Variants in ADH1B observed in about 807,000 individuals in gnomAD.
ADH1B encodes the protein alcohol dehydrogenase 1B (class I), beta polypeptide.
In ADH1B, 29 loss-of-function variants were observed where a neutral mutation model predicts 34.6. The observed-to-expected ratio is 0.84, with a 90% CI of 0.62 to 1.14. The LOEUF (loss-of-function observed/expected upper bound fraction) is 1.14. ADH1B is among the 50% of genes most tolerant of loss of function. The pLI is 0.00. For missense variants in ADH1B, 424 were observed against 468.4 expected, an observed-to-expected ratio of 0.91 and a Z score of 0.87; for synonymous variants, 170 against 175.5, an observed-to-expected ratio of 0.97 and a Z score of 0.25.
chr4:99,314,370 G>A (rs182052767), intron 5 of ADH1B: 2 of 449,532 alleles, frequency 4.4e-6, no homozygotes, highest in African/African-American at 3.9e-5. Flanking sequence ...CTCTGCAGGT[G>A]GACTCAGTCC....
Position 99,315,889 on chromosome 4 carries a change from C to T in ADH1B, c.567+9G>A. ...TGTAAGCAGTTTTATCACCCATTGTCATTCTCACCTTGGCAACGTTAACTG... is the reference window on the plus strand; with the variant it reads ...TGTAAGCAGTTTTATCACCCATTGTTATTCTCACCTTGGCAACGTTAACTG... On this transcript the variant is annotated intron_variant, in intron 5 of 8. Coordinates refer to ENST00000305046, the MANE Select transcript of ADH1B (RefSeq NM_000668.6). 6.2e-7 allele frequency: 1 copy of T among 1,614,194 alleles called. No homozygotes were observed. Among genetic ancestry groups the T allele is most frequent in the African/African-American group, 1.3e-5 (1 of 75,046 alleles).
chr4:99,314,182 A>G, intron 5 of ADH1B, 101 bp from the exon 6 acceptor site: 1 of 1,519,606 alleles, frequency 6.6e-7, no homozygotes, highest in Non-Finnish European at 8.8e-7. Flanking sequence ...AGAACTACTC[A>G]GACTCTTTTG....
intron 6 of ADH1B, among the ~76,000 whole-genome samples, chr4:99,312,207 A>T (rs1733770476): frequency 6.6e-6 from 1 of 152,252 alleles, no homozygotes; most frequent in African/African-American, 2.4e-5. Flanking sequence ...CCCCGTAGGA[A>T]TATAATGATT....
At chr4:99,317,210 A>G (rs1733907812) in intron 3 of ADH1B, 1 of 152,206 alleles carries the variant, frequency 6.6e-6, no homozygotes, top group African/African-American at 2.4e-5. Flanking sequence ...TTTTATTTCT[A>G]ATCACCTATG....
intron 3 of ADH1B, 180 bp downstream of exon 3, chr4:99,317,866 G>A: frequency 2.1e-6 from 2 of 938,674 alleles, no homozygotes; most frequent in Non-Finnish European, 3.2e-6. Flanking sequence ...ATACATGAGT[G>A]CCTGAATGCA....
chr4:99,318,210 G>C, intron 2 of ADH1B, 26 bp from the exon 3 acceptor site: 1 of 1,612,490 alleles, frequency 6.2e-7, no homozygotes, highest in Non-Finnish European at 8.5e-7. Context: ...AAGCTGTTCA[G>C]ATTCAGAAAA....
chr4:99,316,501 C>G (rs1733889752), intron 3 of ADH1B, 199 bp from the exon 4 acceptor site: 4 of 657,682 alleles, frequency 6.1e-6, no homozygotes, highest in Non-Finnish European at 1.0e-5. Context: ...CTGAGGATTC[C>G]TACTGAGAAA....
rs1188520141 is a variant in ADH1B, at chr4:99,305,569, A to G, written c.*2271T>C. ...ACCACTTGCCCCATAGTGTATATAT[A>G]TATATATATATATATATATATATAT... On this transcript the variant is annotated 3_prime_UTR_variant, in exon 9 of 9. Coordinates refer to ENST00000305046, the MANE Select transcript of ADH1B (RefSeq NM_000668.6). 9.6e-3 allele frequency: 318 copies of G among 33,172 alleles called. 19 individuals carry two copies. The highest frequency in any genetic ancestry group is 0.033 in the African/African-American group (286 of 8,640). 2.1% of individuals were successfully genotyped at this position (33,172 alleles called of 1,614,324 possible).
intron 8 of ADH1B, 88 bp from the exon 9 acceptor site, chr4:99,307,952 A>G (rs193041141): frequency 1.3e-6 from 2 of 1,559,734 alleles, no homozygotes; most frequent in East Asian, 2.3e-5. Context: ...GAGGTGTCTT[A>G]GTGAAAATCT....
chr4:99,318,443 A>G (rs535500062), intron 2 of ADH1B: 1 of 539,134 alleles, frequency 1.9e-6, no homozygotes, highest in South Asian at 2.6e-5. Flanking sequence ...GTCTTATGTA[A>G]GAATGCACGC....
intron 1 of ADH1B, chr4:99,319,710 G>A (rs558050273): frequency 6.6e-6 from 1 of 152,248 alleles, no homozygotes; most frequent in African/African-American, 2.4e-5. Context: ...TATTTCTAGT[G>A]CTTGGCAGTG....
intron 1 of ADH1B, chr4:99,320,132 T>C (rs1733986935): frequency 6.6e-6 from 1 of 152,184 alleles, no homozygotes; most frequent in Non-Finnish European, 1.5e-5. Context: ...TTCTGATATT[T>C]TGGTGCACCC....
intron 8 of ADH1B, among the ~76,000 whole-genome samples, chr4:99,309,673 A>G (rs1274843669): frequency 6.6e-6 from 1 of 152,144 alleles, no homozygotes; most frequent in Non-Finnish European, 1.5e-5. Context: ...GTGTGGTTTA[A>G]TAGAAAGTGA....
chr4:99,314,234 ATT>A, intron 5 of ADH1B, 153 bp from the exon 6 acceptor site: 1 of 1,272,112 alleles, frequency 7.9e-7, no homozygotes, highest in Non-Finnish European at 1.1e-6. Flanking sequence ...CAGTTGCTTT[ATT>A]TTTAAATTCA....
chr4:99,315,057 G>C (rs1027129617), intron 5 of ADH1B: 5 of 152,126 alleles, frequency 3.3e-5, no homozygotes, highest in African/African-American at 1.2e-4. Context: ...AAAAACACAA[G>C]ACTTGTGACT....
In ADH1B at chr4:99,316,196, G is replaced by C. The variant is rs1193139798; in HGVS notation, c.347+19C>G. On this transcript the variant is annotated intron_variant, in intron 4 of 8. Transcript: ENST00000305046. The stretch of plus-strand genomic sequence containing the variant: ...TGTGCAAACTCAAAGTCTGTGCAAA[G>C]AGAGCATCAGAAACCTACTCATTTT... 1 of 1,614,092 alleles carries C rather than the reference G, an allele frequency of 6.2e-7. No homozygotes were observed. The highest frequency in any genetic ancestry group is 8.5e-7 in the Non-Finnish European group (1 of 1,179,924).
intron 6 of ADH1B, 35 bp downstream of exon 6, chr4:99,313,786 G>C (rs1333649641): frequency 6.2e-7 from 1 of 1,613,946 alleles, no homozygotes; most frequent in African/African-American, 1.3e-5. Context: ...CCAGGTTGCA[G>C]AGGCAGAAAT....
rs202211223 is a variant in ADH1B, at chr4:99,311,628, G to A, written c.857C>T (p.Ala286Val). The change falls in exon 7 of 9, where the codon GCA becomes GTA. Residue 286 changes from alanine to valine, a missense_variant. By Grantham distance (64) the Ala-to-Val change is moderately conservative. Coordinates refer to ENST00000305046, the MANE Select transcript of ADH1B (RefSeq NM_000668.6). ...MMASLLCCHEACGTSVIVGVP... is the reference protein window; with the variant it reads ...MMASLLCCHEVCGTSVIVGVP... ...CCCTACGATGACGCTTGTGCCACAT[G>A]CCTCATGACAACATAACAGGGAAGC... 99 of 1,613,802 alleles carry A rather than the reference G, an allele frequency of 6.1e-5. No homozygotes were observed. Among genetic ancestry groups the A allele is most frequent in the Non-Finnish European group, 8.1e-5 (95 of 1,179,926 alleles).
At chr4:99,311,737 C>G (rs889313825) in intron 6 of ADH1B, 81 bp from the exon 7 acceptor site, 1 of 1,552,960 alleles carries the variant, frequency 6.4e-7, no homozygotes, top group Non-Finnish European at 8.8e-7. Flanking sequence ...ATGTAATAGG[C>G]TTAACTGGAT....
Sources: gnomAD v4.1 joint callset for allele counts (sites outside exome capture counted in the v4.1 genomes callset) on GRCh38, gnomAD v4.1.1 for gene constraint, MANE v1.5 for transcripts, NCBI Gene and HGNC (gene_info 2026-07-23, HGNC 2026-07-21) for gene names.